Variants in CACNA1C observed in about 807,000 individuals in gnomAD.
CACNA1C encodes the protein voltage-dependent L-type calcium channel subunit alpha-1C.
Under a neutral mutation model 229.0 loss-of-function variants are expected in CACNA1C, and 30 were observed. The observed-to-expected ratio is 0.13, with a 90% confidence interval of 0.10 to 0.18. The LOEUF (loss-of-function observed/expected upper bound fraction) is 0.18, where lower values mean the gene tolerates loss of function less well. CACNA1C is among the 10% of genes least tolerant of loss of function. CACNA1C has a pLI of 1.00. For missense variants in CACNA1C, 1,658 were observed against 2,845.0 expected (o/e 0.58, Z 9.49); for synonymous variants, 1,114 against 1,132.5 (o/e 0.98, Z 0.33).
chr12:2,577,962 G>A (rs112339000), intron 13 of CACNA1C, among the ~76,000 whole-genome samples: 1,705 of 150,752 alleles, frequency 0.011, 27 homozygotes, highest in African/African-American at 0.039. Flanking sequence ...TCCGCCTCCC[G>A]GGTTCACGCC....
intron 3 of CACNA1C, among the ~76,000 whole-genome samples, chr12:2,154,694 G>A (rs894408133): frequency 1.3e-5 from 2 of 152,144 alleles, no homozygotes; most frequent in South Asian, 2.1e-4. Context: ...AGCCTAGAAC[G>A]CCCCCCTCTC....
chr12:2,110,926 C>T (rs984700627), intron 1 of CACNA1C, among the ~76,000 whole-genome samples: 4 of 152,184 alleles, frequency 2.6e-5, no homozygotes, highest in Non-Finnish European at 4.4e-5. Flanking sequence ...TGGTCAGTCC[C>T]GAGAGGCCAT....
At chr12:2,225,580 C>G (rs946766166) in intron 3 of CACNA1C, among the ~76,000 whole-genome samples, 2 of 152,124 alleles carry the variant, frequency 1.3e-5, no homozygotes, top group African/African-American at 4.8e-5. Flanking sequence ...TCCTAGTGGG[C>G]GGAGTGGGGA....
intron 8 of CACNA1C, among the ~76,000 whole-genome samples, chr12:2,511,387 G>A (rs575156172): frequency 3.6e-4 from 55 of 152,340 alleles, no homozygotes; most frequent in African/African-American, 1.3e-3. Flanking sequence ...CTCAGAAGCA[G>A]AGCCCTTTGC....
Position 2,504,933 on chromosome 12 carries a change from G to T in CACNA1C, c.1205G>T (p.Gly402Val). 6.4e-7 allele frequency: 1 copy of T among 1,573,502 alleles called. No individual in the cohort carries two copies. Among genetic ancestry groups the T allele is most frequent in the Non-Finnish European group, 8.7e-7 (1 of 1,143,176 alleles). ...TTTTTTGTACTTAACTTGGTTCTCG[G>T]TGTGCTTAGCGGGTAAGCAGGACCA... is the stretch of plus-strand genomic sequence containing the variant. ...GSFFVLNLVLGVLSGEFSKER... is the reference protein window; with the variant it reads ...GSFFVLNLVLVVLSGEFSKER... The change falls in exon 8 of 47, where the codon GGT becomes GTT. Residue 402 changes from glycine (G) to valine (V), a missense_variant. This residue lies in a region of CACNA1C where 84 missense variants were observed against 202.6 expected (regional missense o/e 0.41). Transcript: ENST00000399655. The surrounding 1 kb of genome is among the most constrained non-coding windows in gnomAD (Gnocchi z 6.8).
chr12:2,051,061 A>G (rs967263751), upstream of CACNA1C, among the ~76,000 whole-genome samples: 4 of 152,236 alleles, frequency 2.6e-5, no homozygotes, highest in Non-Finnish European at 5.9e-5. Context: ...TAAACTATAT[A>G]GTATGTTAGA....
intron 18 of CACNA1C, among the ~76,000 whole-genome samples, chr12:2,590,067 G>A (rs138060821): frequency 1.2e-4 from 18 of 152,126 alleles, no homozygotes; most frequent in Non-Finnish European, 1.3e-4. Flanking sequence ...AGACTCTTGC[G>A]CCCTGCTAGA....
Position 2,597,342 on chromosome 12 carries a change from G to C in CACNA1C, c.2853+53G>C. 1 of 1,514,192 alleles carries C rather than the reference G, an allele frequency of 6.6e-7. No individual in the cohort carries two copies. The highest frequency in any genetic ancestry group is 9.2e-7 in the Non-Finnish European group (1 of 1,089,116). The allele number at this position is 1,514,192 out of a possible 1,614,324, so 93.8% of individuals were successfully genotyped here. A position where few individuals can be genotyped will look rare whatever the true frequency, so the allele number is the denominator to read the frequency against. ...CCTGTCCCCCTTGTGCCAGCACCAG[G>C]TCTCTGCCGCTGTCTGTCGCTAACA... On this transcript the variant is annotated intron_variant, in intron 21 of 46. Coordinates refer to ENST00000399655, the MANE Select transcript of CACNA1C (RefSeq NM_000719.7). This position sits in a 1 kb window ranked among gnomAD's most constrained non-coding sequence, Gnocchi z 4.3.
rs1438149156 is a variant in CACNA1C at position 2,595,500 on chromosome 12, C to T, written c.2664-374C>T. Among the ~76,000 whole-genome samples, 6 of 152,068 alleles carry T rather than the reference C, an allele frequency of 3.9e-5. No individual in the cohort carries two copies. The highest frequency in any genetic ancestry group is 6.6e-5 in the Admixed American group (1 of 15,262). ...GCTGGCCTCTCAGCATACCCAGCTC[C>T]GGGTAGTCCTATTGTGCCTTATGCA... is the stretch of plus-strand genomic sequence containing the variant. On this transcript the variant is annotated intron_variant, in intron 19 of 46. Coordinates refer to ENST00000399655, the MANE Select transcript of CACNA1C (RefSeq NM_000719.7). The surrounding 1 kb of genome is among the most constrained non-coding windows in gnomAD (Gnocchi z 4.1).
At chr12:2,491,002 CTGGT>C (rs2154571415) in intron 6 of CACNA1C, among the ~76,000 whole-genome samples, 1 of 152,304 alleles carries the variant, frequency 6.6e-6, no homozygotes, top group South Asian at 2.1e-4. Context: ...CGTCCATCAG[CTGGT>C]GAATGGATAA....
intron 3 of CACNA1C, among the ~76,000 whole-genome samples, chr12:2,149,467 G>A (rs1025472878): frequency 2.0e-4 from 31 of 152,228 alleles, no homozygotes; most frequent in African/African-American, 7.2e-4. Flanking sequence ...GAAAGCTGGA[G>A]TTTAGGAAAA....
Position 2,035,212 on chromosome 12 carries a change from C to T in CACNA1C, c.139+64011C>T, listed in dbSNP as rs188437350. 2.1e-3 allele frequency among the ~76,000 whole-genome samples: 316 copies of T among 152,368 alleles called. 2 individuals carry two copies. Among genetic ancestry groups the T allele is most frequent in the South Asian group, 0.012 (60 of 4,830 alleles). ...ACGTTCTCCTGCTGCTCCAGAACTG[C>T]CACCTTCCAAGTCCTGAAGGAGGCC... On this transcript the variant is annotated intron_variant, in intron 1 of 46. Transcript: ENST00000682462.
At chr12:2,637,969 A>G (rs964435713) in intron 30 of CACNA1C, among the ~76,000 whole-genome samples, 2 of 152,110 alleles carry the variant, frequency 1.3e-5, no homozygotes, top group Non-Finnish European at 2.9e-5. Flanking sequence ...TTTCCGGGCT[A>G]TGGGGCCCTC....
At chr12:2,514,114 AG>A (rs1462545878) in intron 9 of CACNA1C, among the ~76,000 whole-genome samples, 25 of 152,212 alleles carry the variant, frequency 1.6e-4, no homozygotes, top group African/African-American at 5.8e-4. Context: ...AGAGCCATCC[AG>A]GGCATTTGCT....
chr12:2,619,662 T>G (rs906127563), intron 29 of CACNA1C, among the ~76,000 whole-genome samples: 1 of 152,182 alleles, frequency 6.6e-6, no homozygotes, highest in Non-Finnish European at 1.5e-5. Context: ...AGCTCAGTTT[T>G]TCACCATTCC....
chr12:2,145,645 G>T (rs1002423543), intron 3 of CACNA1C, among the ~76,000 whole-genome samples: 1 of 151,260 alleles, frequency 6.6e-6, no homozygotes, highest in Non-Finnish European at 1.5e-5. Context: ...GTGAGAGAGG[G>T]TATGGTACCT....
chr12:2,327,893 C>A (rs1385468337), intron 3 of CACNA1C, among the ~76,000 whole-genome samples: 1 of 152,170 alleles, frequency 6.6e-6, no homozygotes, highest in Non-Finnish European at 1.5e-5. Context: ...GAAAACTGGA[C>A]CTCAGTGGAA....
intron 3 of CACNA1C, among the ~76,000 whole-genome samples, chr12:2,356,838 A>G (rs961825281): frequency 1.3e-4 from 20 of 152,140 alleles, no homozygotes; most frequent in African/African-American, 4.6e-4. Context: ...CTGCATTCCC[A>G]TTCCACAGAT....
chr12:2,058,003 G>C (rs1414182410), intron 1 of CACNA1C, among the ~76,000 whole-genome samples: 2 of 152,236 alleles, frequency 1.3e-5, no homozygotes, highest in Non-Finnish European at 2.9e-5. Flanking sequence ...GAGTCTGCCT[G>C]GATCTCCTGC....
Sources: gnomAD v4.1 joint callset for allele counts (sites outside exome capture counted in the v4.1 genomes callset) on GRCh38, gnomAD v4.1.1 for gene constraint, gnomAD v4.1.1 regional missense constraint, Gnocchi (gnomAD v3.1) non-coding constraint, MANE v1.5 for transcripts, NCBI Gene and HGNC (gene_info 2026-07-23, HGNC 2026-07-21) for gene names.